Variants in NRK observed in about 807,000 individuals in gnomAD.
NRK encodes the protein nik-related protein kinase.
NRK carries 67 observed loss-of-function variants against 125.2 expected under a neutral mutation model. The ratio of observed to expected loss-of-function variants is 0.54; its 90% CI spans 0.44 to 0.66. NRK has a LOEUF of 0.66. Ranked by LOEUF, NRK falls within the 30% of genes least tolerant of loss-of-function variation. The probability of loss-of-function intolerance (pLI) is 0.00; values close to 1 mark genes in which losing one functional copy is unlikely to be tolerated. For missense variants in NRK, 1,224 were observed against 1,192.9 expected (o/e 1.03, Z -0.38); for synonymous variants, 458 against 429.0 (o/e 1.07, Z -0.84).
upstream of NRK, among the ~76,000 whole-genome samples, chrX:105,822,384 T>G (rs2147623717): frequency 9.0e-6 from 1 of 111,673 alleles, no homozygotes; most frequent in East Asian, 2.9e-4. Context: ...CTTCAGCACC[T>G]CCCTCGGCCG....
Position 105,888,640 on chromosome X carries a change from G to C in NRK, c.378+221G>C, listed in dbSNP as rs1361112794. ...ACCCGAGACTAGGTAATTTATAAAG[G>C]AAAGAGTTTTCATTGACTCACAGTT... On this transcript the variant is annotated intron_variant, in intron 5 of 28. Transcript: ENST00000243300. 2.7e-5 allele frequency among the ~76,000 whole-genome samples: 3 copies of C among 111,122 alleles called. No individual in the cohort carries two copies. In the East Asian group the frequency reaches 8.5e-4, roughly 32 times the overall value.
intron 2 of NRK, among the ~76,000 whole-genome samples, chrX:105,837,818 G>T (rs939656677): frequency 1.8e-5 from 2 of 110,976 alleles, no homozygotes; most frequent in Non-Finnish European, 3.8e-5. Context: ...TTAGAAAAAA[G>T]AAAATAGGTT....
intron 9 of NRK, 87 bp downstream of exon 9, chrX:105,900,759 G>A: frequency 3.4e-6 from 2 of 590,695 alleles, no homozygotes; most frequent in Non-Finnish European, 5.5e-6. Flanking sequence ...AAGAAGATGA[G>A]ATTGCCACTT....
intron 5 of NRK, among the ~76,000 whole-genome samples, chrX:105,890,482 C>T (rs181999143): frequency 3.6e-5 from 4 of 112,095 alleles, no homozygotes; most frequent in East Asian, 2.8e-4. Context: ...TCTGTTCTCA[C>T]GCTGCTCGTA....
rs911938477 is a variant in NRK, at chrX:105,913,837, A to ATGTTT, written c.2349+1099_2349+1103dup. ...TGACAGGGTCTGGGACATTTAATCT[A>ATGTTT]TGTTTTGTTTTGTTTTGTTTTACAA... is the stretch of plus-strand genomic sequence containing the variant. On this transcript the variant is annotated intron_variant, in intron 14 of 28. Transcript: ENST00000243300. Among the ~76,000 whole-genome samples the ATGTTT allele has an allele frequency of 9.0e-5, 10 of 110,637 alleles. No homozygotes were observed. The East Asian group carries it at 1.1e-3, about 13-fold the overall frequency.
chrX:105,833,313 C>T (rs754833482), intron 2 of NRK, among the ~76,000 whole-genome samples: 1 of 111,515 alleles, frequency 9.0e-6, no homozygotes, highest in Admixed American at 9.6e-5. Context: ...AATATTTGTG[C>T]GATCTAGGTC....
chrX:105,955,372 AAAAC>A, intron 28 of NRK, 129 bp from the exon 29 acceptor site: 2 of 375,944 alleles, frequency 5.3e-6, no homozygotes, highest in Non-Finnish European at 9.4e-6. Context: ...TTTCATTTGA[AAAAC>A]AAACTATTCC....
chrX:105,839,580 T>C (rs968195659), intron 2 of NRK, among the ~76,000 whole-genome samples: 1 of 111,898 alleles, frequency 8.9e-6, no homozygotes, highest in Non-Finnish European at 1.9e-5. Context: ...AAACATTAAA[T>C]TTACCTATTA....
intron 13 of NRK, 72 bp downstream of exon 13, chrX:105,909,954 T>C: frequency 3.4e-6 from 3 of 887,761 alleles, no homozygotes; most frequent in South Asian, 5.6e-5. Flanking sequence ...CGGATGTTTT[T>C]TCTCAGTAAA....
intron 2 of NRK, among the ~76,000 whole-genome samples, chrX:105,862,785 G>C (rs75397546): frequency 1.8e-4 from 20 of 112,074 alleles, no homozygotes; most frequent in East Asian, 5.6e-4. Flanking sequence ...GACGGGGCTT[G>C]TGCTTATTGT....
intron 2 of NRK, among the ~76,000 whole-genome samples, chrX:105,838,146 G>C (rs2039288419): frequency 8.9e-6 from 1 of 111,861 alleles, no homozygotes; most frequent in Non-Finnish European, 1.9e-5. Flanking sequence ...CATAATTATA[G>C]TGATCCTATT....
At chrX:105,895,382 AAAG>A (rs2040068997) in intron 6 of NRK, 48 bp from the exon 7 acceptor site, 1 of 942,360 alleles carries the variant, frequency 1.1e-6, no homozygotes, top group East Asian at 3.1e-5. Flanking sequence ...AGAAAGAAAG[AAAG>A]AAAGAAAGAA....
intron 9 of NRK, among the ~76,000 whole-genome samples, chrX:105,901,693 G>A (rs188707997): frequency 1.5e-4 from 17 of 111,525 alleles, no homozygotes; most frequent in Admixed American, 2.9e-4. Context: ...TTAAAGAGGG[G>A]CTGGGATAAA....
At chrX:105,930,126 A>G (rs763262063) in intron 19 of NRK, among the ~76,000 whole-genome samples, 1 of 111,770 alleles carries the variant, frequency 8.9e-6, no homozygotes, top group South Asian at 3.8e-4. Context: ...TCTCTCTCCC[A>G]AGACTTGGGA....
At chrX:105,840,168 C>T (rs1321861538) in intron 2 of NRK, among the ~76,000 whole-genome samples, 1 of 111,417 alleles carries the variant, frequency 9.0e-6, no homozygotes, top group Non-Finnish European at 1.9e-5. Context: ...TTATGTTATA[C>T]CAAAATTTTC....
intron 2 of NRK, among the ~76,000 whole-genome samples, chrX:105,864,114 A>G (rs2039638542): frequency 8.9e-6 from 1 of 112,528 alleles, no homozygotes. Flanking sequence ...ATGCAGAGAT[A>G]TGCTGAGTTT....
intron 1 of NRK, among the ~76,000 whole-genome samples, chrX:105,826,033 T>C (rs2039088131): frequency 9.9e-6 from 1 of 100,745 alleles, no homozygotes; most frequent in African/African-American, 3.6e-5. Flanking sequence ...TGCCTCTCTG[T>C]CTCCGTCTCT....
intron 2 of NRK, among the ~76,000 whole-genome samples, chrX:105,860,761 A>C (rs749851082): frequency 9.0e-6 from 1 of 110,825 alleles, no homozygotes; most frequent in East Asian, 2.9e-4. Flanking sequence ...CCAACCTAAT[A>C]GTTTTCAGTT....
At chrX:105,827,676 G>A (rs1165271855) in intron 1 of NRK, among the ~76,000 whole-genome samples, 1 of 112,273 alleles carries the variant, frequency 8.9e-6, no homozygotes, top group East Asian at 2.8e-4. Flanking sequence ...AGATAATTTA[G>A]ATGCATAGAA....
Sources: gnomAD v4.1 joint callset for allele counts (sites outside exome capture counted in the v4.1 genomes callset) on GRCh38, gnomAD v4.1.1 for gene constraint, MANE v1.5 for transcripts, NCBI Gene and HGNC (gene_info 2026-07-23, HGNC 2026-07-21) for gene names.